The following TEX48 variants were observed in gnomAD, a reference collection of about 807,000 sequenced individuals.
The protein encoded by TEX48 is testis expressed 48.
Under a neutral mutation model 13.2 loss-of-function variants are expected in TEX48, and 10 were observed. The ratio of observed to expected loss-of-function variants is 0.75; its 90% CI spans 0.47 to 1.28. The LOEUF (loss-of-function observed/expected upper bound fraction) is 1.28, where lower values mean the gene tolerates loss of function less well. Ranked by LOEUF, TEX48 falls within the 50% of genes most tolerant of loss-of-function variation. The pLI, the probability that TEX48 is intolerant of heterozygous loss-of-function variation, is 0.00. For synonymous variants in TEX48, 45 were observed against 52.3 expected (o/e 0.86, Z 0.60); for missense variants, 116 against 139.4 (o/e 0.83, Z 0.84).
intron 1 of TEX48, among the ~76,000 whole-genome samples, chr9:114,678,396 C>T (rs1433983899): frequency 1.3e-5 from 2 of 151,964 alleles, no homozygotes; most frequent in Non-Finnish European, 2.9e-5. Context: ...CAAGAGAGGC[C>T]GAATTTAAAC....
chr9:114,668,883 C>G (rs1184694671), intron 3 of TEX48, among the ~76,000 whole-genome samples: 1 of 152,178 alleles, frequency 6.6e-6, no homozygotes, highest in African/African-American at 2.4e-5. Flanking sequence ...GTTGCCCAGG[C>G]TGGAGTGCAA....
chr9:114,671,845 C>T lies in TEX48; in HGVS notation c.-104-18G>A, dbSNP rs561215149. ...GCTGTTTCCTAAGTAAACATAAGAC[C>T]GTGGCTGAAAAATGCTAGTCCTTCA... On this transcript the variant is annotated intron_variant, in intron 1 of 4. Transcript: ENST00000436752. 2.5e-5 allele frequency: 28 copies of T among 1,136,918 alleles called. No individual in the cohort carries two copies. The highest frequency in any genetic ancestry group is 6.7e-5 in the South Asian group (5 of 74,762). 70.4% of individuals were successfully genotyped at this position (1,136,918 alleles called of 1,614,324 possible). A position where few individuals can be genotyped will look rare whatever the true frequency, so the allele number is the denominator to read the frequency against.
intron 3 of TEX48, among the ~76,000 whole-genome samples, chr9:114,670,587 C>G (rs1404603857): frequency 6.6e-6 from 1 of 151,760 alleles, no homozygotes; most frequent in Non-Finnish European, 1.5e-5. Context: ...TGATTACAAA[C>G]TGAAGGCCAG....
chr9:114,671,030 A>G (rs1306665696), intron 3 of TEX48, among the ~76,000 whole-genome samples: 1 of 152,192 alleles, frequency 6.6e-6, no homozygotes, highest in African/African-American at 2.4e-5. Context: ...CTATTTTTAT[A>G]GTCTTTAATC....
intron 1 of TEX48, among the ~76,000 whole-genome samples, chr9:114,678,286 C>G (rs1828114133): frequency 6.6e-6 from 1 of 152,168 alleles, no homozygotes; most frequent in Non-Finnish European, 1.5e-5. Context: ...CTTACTCCTT[C>G]CCCTGGCTGC....
intron 1 of TEX48, among the ~76,000 whole-genome samples, chr9:114,677,785 C>T (rs1043460924): frequency 3.3e-5 from 5 of 150,336 alleles, no homozygotes; most frequent in East Asian, 3.9e-4. Flanking sequence ...AGCTTATATT[C>T]GGGAGTCAGT....
intron 1 of TEX48, among the ~76,000 whole-genome samples, chr9:114,680,955 A>G (rs1336909985): frequency 6.6e-6 from 1 of 152,238 alleles, no homozygotes; most frequent in Non-Finnish European, 1.5e-5. Context: ...TGCATCAGCC[A>G]TGAGCTTTGT....
At position 114,669,534 on chromosome 9, in the gene TEX48, C is replaced by T. The variant is rs1035879296; in HGVS notation, c.128-1197G>A. 5.9e-5 allele frequency among the ~76,000 whole-genome samples: 9 copies of T among 152,002 alleles called. No individual in the cohort carries two copies. In the East Asian group the frequency reaches 1.2e-3, roughly 20 times the overall value. ...TCGGCTCACCGCAACCTCCACCTCT[C>T]GGGTTCAAGCGATTCTCCTGCCTCA... On this transcript the variant is annotated intron_variant, in intron 3 of 4. Transcript: ENST00000436752.
At position 114,671,837 on chromosome 9, in the gene TEX48, C is replaced by A. The variant is rs1054772519; in HGVS notation, c.-104-10G>T. On this transcript the variant is annotated splice_polypyrimidine_tract_variant and intron_variant, in intron 1 of 4. Transcript: ENST00000436752. ...TGGGCTGGGCTGTTTCCTAAGTAAA[C>A]ATAAGACCGTGGCTGAAAAATGCTA... 22 of 1,208,146 alleles carry A rather than the reference C, an allele frequency of 1.8e-5. No individual in the cohort carries two copies. Among genetic ancestry groups the A allele is most frequent in the Non-Finnish European group, 2.6e-5 (22 of 850,472 alleles). The allele number at this position is 1,208,146 out of a possible 1,614,324, so 74.8% of individuals were successfully genotyped here.
At chr9:114,674,606 CTT>C (rs1828020092) in intron 1 of TEX48, among the ~76,000 whole-genome samples, 1 of 17,468 alleles carries the variant, frequency 5.7e-5, no homozygotes, top group Non-Finnish European at 1.6e-4. Context: ...TTTTTCTTTC[CTT>C]CCTTCCTTCC....
intron 1 of TEX48, among the ~76,000 whole-genome samples, chr9:114,677,409 C>G (rs1315263600): frequency 6.6e-6 from 1 of 151,876 alleles, no homozygotes; most frequent in East Asian, 1.9e-4. Flanking sequence ...GCAGTTAGAT[C>G]TTTTGTTTTG....
intron 1 of TEX48, among the ~76,000 whole-genome samples, chr9:114,681,526 T>C (rs1416680758): frequency 2.0e-5 from 3 of 152,204 alleles, no homozygotes; most frequent in Non-Finnish European, 4.4e-5. Context: ...GTATCTACAA[T>C]AGAAGGTAGT....
At chr9:114,674,796 C>T (rs1330643517) in intron 1 of TEX48, among the ~76,000 whole-genome samples, 1 of 151,324 alleles carries the variant, frequency 6.6e-6, no homozygotes, top group Non-Finnish European at 1.5e-5. Flanking sequence ...CCTCAGCCTC[C>T]TGAGTAGCTG....
chr9:114,671,269 G>T, intron 3 of TEX48, 114 bp downstream of exon 3: 2 of 1,232,326 alleles, frequency 1.6e-6, no homozygotes, highest in Non-Finnish European at 2.2e-6. Context: ...ATTTTAAATT[G>T]GAATTATCAC....
rs557924595 is a variant in TEX48 at position 114,671,454 on chromosome 9, C to A, written c.56G>T (p.Cys19Phe). The change falls in exon 3 of 5, where the codon TGT (cysteine) becomes TTT (phenylalanine). Residue 19 changes from cysteine (C) to phenylalanine (F), a missense_variant. Coordinates refer to ENST00000436752, the MANE Select transcript of TEX48 (RefSeq NM_001199233.2). ...LKIFCLCCRD[C>F]QEPYAINDSK... ...GTCATTGATGGCATAGGGCTCCTGACAGTCCCTGCAGCATAAACAGAAGAT... is the reference window on the plus strand; with the variant it reads ...GTCATTGATGGCATAGGGCTCCTGAAAGTCCCTGCAGCATAAACAGAAGAT... The A allele has an allele frequency of 1.3e-6, 2 of 1,535,572 alleles. No individual in the cohort carries two copies. The highest frequency in any genetic ancestry group is 1.2e-5 in the South Asian group (1 of 84,054).
intron 1 of TEX48, among the ~76,000 whole-genome samples, chr9:114,679,481 A>G (rs1361328584): frequency 6.6e-6 from 1 of 152,060 alleles, no homozygotes; most frequent in African/African-American, 2.4e-5. Context: ...AGAACTTTGC[A>G]CTTAACATTT....
chr9:114,667,211 A>C (rs1827857097), intron 4 of TEX48, among the ~76,000 whole-genome samples: 1 of 152,198 alleles, frequency 6.6e-6, no homozygotes, highest in Non-Finnish European at 1.5e-5. Context: ...GGACTCTGTG[A>C]AATGCTGTTT....
chr9:114,671,671 A>T (rs764285259), intron 2 of TEX48, 49 bp downstream of exon 2: 1 of 1,535,380 alleles, frequency 6.5e-7, no homozygotes, highest in Non-Finnish European at 8.7e-7. Context: ...TGGCCAGCAG[A>T]TCCTTCTGCC....
At chr9:114,675,338 GCT>G (rs1376167222) in intron 1 of TEX48, among the ~76,000 whole-genome samples, 2 of 152,122 alleles carry the variant, frequency 1.3e-5, no homozygotes, top group Non-Finnish European at 2.9e-5. Flanking sequence ...TTTTAGTTCT[GCT>G]CTCTGTTTAC....
Sources: allele counts gnomAD v4.1 joint callset (sites outside exome capture counted in the v4.1 genomes callset), GRCh38; gene constraint gnomAD v4.1.1; transcripts MANE v1.5; gene names NCBI Gene and HGNC (gene_info 2026-07-23, HGNC 2026-07-21).